Variants in SGCZ observed in about 807,000 individuals in gnomAD.
SGCZ encodes zeta-sarcoglycan.
In SGCZ, 40 loss-of-function variants were observed where a neutral mutation model predicts 41.3. The observed-to-expected ratio is 0.97, with a 90% CI of 0.75 to 1.26. The LOEUF is 1.26. Ranked by LOEUF, SGCZ falls within the 50% of genes most tolerant of loss-of-function variation. The probability of loss-of-function intolerance (pLI) is 0.00; values close to 1 mark genes in which losing one functional copy is unlikely to be tolerated. For missense variants in SGCZ, 552 were observed against 369.8 expected (o/e 1.49, Z -4.04); for synonymous variants, 206 against 137.5 (o/e 1.50, Z -3.49).
chr8:14,138,334 A>T (rs1803264711), intron 5 of SGCZ, among the ~76,000 whole-genome samples: 1 of 152,200 alleles, frequency 6.6e-6, no homozygotes, highest in Non-Finnish European at 1.5e-5. Context: ...ATAACATAAC[A>T]ATATTAACCT....
chr8:14,872,819 C>T (rs1804209908), intron 1 of SGCZ, among the ~76,000 whole-genome samples: 1 of 152,034 alleles, frequency 6.6e-6, no homozygotes, highest in Non-Finnish European at 1.5e-5. Flanking sequence ...TTTTTATCTA[C>T]CCCACTTCCC....
intron 1 of SGCZ, among the ~76,000 whole-genome samples, chr8:14,975,878 A>G (rs1801456414): frequency 6.9e-6 from 1 of 144,440 alleles, no homozygotes. Flanking sequence ...AATTTTACAC[A>G]CACACACACA....
chr8:14,825,527 G>A (rs1176923724), intron 1 of SGCZ, among the ~76,000 whole-genome samples: 1 of 151,894 alleles, frequency 6.6e-6, no homozygotes, highest in Non-Finnish European at 1.5e-5. Context: ...TAAATTTTTG[G>A]TAAATAAATA....
chr8:14,424,870 G>C (rs559569928), intron 2 of SGCZ, among the ~76,000 whole-genome samples: 2 of 152,218 alleles, frequency 1.3e-5, no homozygotes, highest in East Asian at 1.9e-4. Context: ...TGAACGGCTG[G>C]TAAAATAAAT....
At chr8:14,633,459 T>C (rs547220932) in intron 1 of SGCZ, among the ~76,000 whole-genome samples, 105 of 152,092 alleles carry the variant, frequency 6.9e-4, no homozygotes, top group African/African-American at 2.4e-3. Flanking sequence ...ATGAAATAAG[T>C]TATTTCAGCA....
At chr8:14,981,799 C>A (rs570035833) in intron 1 of SGCZ, among the ~76,000 whole-genome samples, 1 of 152,296 alleles carries the variant, frequency 6.6e-6, no homozygotes, top group Admixed American at 6.5e-5. Flanking sequence ...GCATATTCTA[C>A]TTAAAAATAT....
At chr8:14,553,998 A>C (rs113453262) in intron 2 of SGCZ, among the ~76,000 whole-genome samples, 6 of 152,216 alleles carry the variant, frequency 3.9e-5, no homozygotes, top group African/African-American at 1.2e-4. Context: ...AGAAAATATA[A>C]AGTGAGCTAA....
At chr8:14,295,422 A>C (rs1800974838) in intron 3 of SGCZ, among the ~76,000 whole-genome samples, 1 of 152,158 alleles carries the variant, frequency 6.6e-6, no homozygotes. Context: ...TGGTACATCA[A>C]TGTCAATACA....
At chr8:15,235,738 G>T (rs73524837) in intron 1 of SGCZ, among the ~76,000 whole-genome samples, 37,690 of 147,572 alleles carry the variant, frequency 0.26, 4,969 homozygotes, top group East Asian at 0.39. Flanking sequence ...TCAGGGGAAA[G>T]AATCACCCCA....
Position 15,179,537 on chromosome 8 carries a change from G to C in SGCZ, c.39+58048C>G, listed in dbSNP as rs188507492. ...AAACCAAAAATAACAAGTAATTTTC[G>C]TTGTTTCAGTAATGTGAATAGTTTA... On this transcript the variant is annotated intron_variant, in intron 1 of 7. Transcript: ENST00000382080. 3.9e-5 allele frequency among the ~76,000 whole-genome samples: 6 copies of C among 152,186 alleles called. No individual in the cohort carries two copies. In the South Asian group the frequency reaches 8.3e-4, roughly 21 times the overall value.
intron 1 of SGCZ, among the ~76,000 whole-genome samples, chr8:15,179,174 T>C (rs933961748): frequency 4.6e-5 from 7 of 152,096 alleles, no homozygotes; most frequent in Non-Finnish European, 7.4e-5. Flanking sequence ...AATTAACCTG[T>C]TTAAGTAAAG....
At chr8:14,769,295 A>G (rs1440126021) in intron 1 of SGCZ, among the ~76,000 whole-genome samples, 2 of 152,236 alleles carry the variant, frequency 1.3e-5, no homozygotes, top group Non-Finnish European at 2.9e-5. Flanking sequence ...GGGGCTTATC[A>G]TGTGAAAAAC....
At chr8:14,249,852 A>G (rs1024145300) in intron 3 of SGCZ, among the ~76,000 whole-genome samples, 1 of 152,188 alleles carries the variant, frequency 6.6e-6, no homozygotes, top group Non-Finnish European at 1.5e-5. Flanking sequence ...CCTCCTTGCA[A>G]GATGGCAAGA....
chr8:14,503,671 G>A (rs1318021882), intron 2 of SGCZ, among the ~76,000 whole-genome samples: 1 of 152,012 alleles, frequency 6.6e-6, no homozygotes, highest in Non-Finnish European at 1.5e-5. Context: ...GGGAGGCTGA[G>A]GCAGGAGAAT....
At chr8:15,087,794 C>T (rs1213678514) in intron 1 of SGCZ, among the ~76,000 whole-genome samples, 1 of 152,088 alleles carries the variant, frequency 6.6e-6, no homozygotes, top group Admixed American at 6.6e-5. Flanking sequence ...TAAGTTTACT[C>T]ATAGTATGAA....
At chr8:14,701,276 A>G (rs891202745) in intron 1 of SGCZ, among the ~76,000 whole-genome samples, 4 of 151,998 alleles carry the variant, frequency 2.6e-5, no homozygotes, top group Admixed American at 2.0e-4. Context: ...CTCTTTTACC[A>G]TTATAAACCA....
intron 1 of SGCZ, among the ~76,000 whole-genome samples, chr8:15,175,425 T>A (rs1799966767): frequency 6.6e-6 from 1 of 152,016 alleles, no homozygotes; most frequent in African/African-American, 2.4e-5. Context: ...CGTACCAAGC[T>A]AACACAGGAA....
chr8:14,395,882 G>A (rs13267926), intron 2 of SGCZ, among the ~76,000 whole-genome samples: 28,872 of 152,186 alleles, frequency 0.19, 3,487 homozygotes, highest in Non-Finnish European at 0.28. Flanking sequence ...ACTGCAAAAA[G>A]TATCTGTTCG....
Position 14,242,319 on chromosome 8 carries a change from C to G in SGCZ, c.337-4640G>C, listed in dbSNP as rs557123773. On this transcript the variant is annotated intron_variant, in intron 3 of 7. Coordinates refer to ENST00000382080, the MANE Select transcript of SGCZ (RefSeq NM_139167.4). ...GGCCCTTAATCAATGCCAGATACTGCTCTAAATACTTTACATATATGAGAT... is the reference window on the plus strand; with the variant it reads ...GGCCCTTAATCAATGCCAGATACTGGTCTAAATACTTTACATATATGAGAT... Among the ~76,000 whole-genome samples the G allele has an allele frequency of 4.6e-5, 7 of 152,252 alleles. No individual in the cohort carries two copies. The South Asian group carries it at 1.5e-3, about 32-fold the overall frequency.
Sources: gnomAD v4.1 joint callset for allele counts (sites outside exome capture counted in the v4.1 genomes callset) on GRCh38, gnomAD v4.1.1 for gene constraint, MANE v1.5 for transcripts, NCBI Gene and HGNC (gene_info 2026-07-23, HGNC 2026-07-21) for gene names.